SPAG16: variants seen among roughly 807,000 people sequenced by gnomAD.
SPAG16 encodes the protein sperm associated antigen 16, also known as sperm-associated antigen 16 protein.
A neutral mutation model predicts 80.4 loss-of-function variants in SPAG16; 86 were observed. The observed-to-expected ratio is 1.07, with a 90% CI of 0.90 to 1.28. SPAG16 has a LOEUF of 1.28. SPAG16 is among the 50% of genes most tolerant of loss of function. The pLI is 0.00. For synonymous variants in SPAG16, 294 were observed against 265.9 expected (o/e 1.11, Z -1.03); for missense variants, 870 against 765.3 (o/e 1.14, Z -1.61).
chr2:213,356,155 A>G (rs970443904), intron 7 of SPAG16, among the ~76,000 whole-genome samples: 4 of 152,136 alleles, frequency 2.6e-5, no homozygotes, highest in African/African-American at 9.7e-5. Context: ...GTTTGCCAGT[A>G]TTTTAATGAG....
chr2:213,955,771 A>G (rs1213225819), intron 12 of SPAG16, among the ~76,000 whole-genome samples: 1 of 152,090 alleles, frequency 6.6e-6, no homozygotes, highest in African/African-American at 2.4e-5. Context: ...TATCCAATAC[A>G]TTGGCATATA....
intron 11 of SPAG16, among the ~76,000 whole-genome samples, chr2:213,909,197 A>G (rs1300592403): frequency 2.6e-5 from 4 of 152,188 alleles, no homozygotes; most frequent in Non-Finnish European, 5.9e-5. Flanking sequence ...TTCAAGGACA[A>G]CTACAAACCA....
chr2:213,560,589 A>G (rs1341433856), intron 10 of SPAG16, among the ~76,000 whole-genome samples: 1 of 152,162 alleles, frequency 6.6e-6, no homozygotes, highest in Non-Finnish European at 1.5e-5. Flanking sequence ...TTTCTTACAT[A>G]TAGCTATTTT....
rs536172068 is a variant in SPAG16, at chr2:213,677,476, T to G, written c.1071-185009T>G. On this transcript the variant is annotated intron_variant, in intron 10 of 15. Transcript: ENST00000331683. Reference sequence around the variant, plus strand: ...AGGCAGGGGTTGCAATCCTAGTCTCTGATAAAACAGACTTTAAACCAACAA... The same window carrying G: ...AGGCAGGGGTTGCAATCCTAGTCTCGGATAAAACAGACTTTAAACCAACAA... 9.7e-4 allele frequency among the ~76,000 whole-genome samples: 148 copies of G among 151,994 alleles called. 1 individual carries two copies. The East Asian group carries it at 0.026, about 26-fold the overall frequency.
chr2:213,702,296 C>G (rs371160345), intron 10 of SPAG16, among the ~76,000 whole-genome samples: 1 of 152,184 alleles, frequency 6.6e-6, no homozygotes, highest in South Asian at 2.1e-4. Flanking sequence ...GCAGGCTGCC[C>G]GAGCCAGCTG....
chr2:213,339,817 G>A (rs759701073), intron 5 of SPAG16, among the ~76,000 whole-genome samples: 2 of 151,886 alleles, frequency 1.3e-5, no homozygotes, highest in Non-Finnish European at 2.9e-5. Context: ...GAATTGTCAT[G>A]TTTCATATAT....
intron 11 of SPAG16, among the ~76,000 whole-genome samples, chr2:213,922,566 G>A (rs2078273529): frequency 6.6e-6 from 1 of 152,122 alleles, no homozygotes; most frequent in South Asian, 2.1e-4. Context: ...CTCTTGCTGG[G>A]GAAATAGTAT....
At chr2:213,797,691 T>A (rs1185479358) in intron 10 of SPAG16, among the ~76,000 whole-genome samples, 1 of 152,252 alleles carries the variant, frequency 6.6e-6, no homozygotes, top group Non-Finnish European at 1.5e-5. Context: ...AATGAATGGC[T>A]GTGTACCACA....
At chr2:213,477,540 T>C (rs1356255654) in intron 9 of SPAG16, among the ~76,000 whole-genome samples, 1 of 152,148 alleles carries the variant, frequency 6.6e-6, no homozygotes, top group Admixed American at 6.5e-5. Flanking sequence ...ACAAAGGAGA[T>C]GATTTTGGAA....
chr2:213,535,094 T>G (rs1282691226), intron 10 of SPAG16, among the ~76,000 whole-genome samples: 1 of 152,122 alleles, frequency 6.6e-6, no homozygotes. Context: ...TTTATGTTAT[T>G]TTATTACCTG....
intron 9 of SPAG16, among the ~76,000 whole-genome samples, chr2:213,382,737 T>C (rs2067233957): frequency 6.6e-6 from 1 of 152,202 alleles, no homozygotes; most frequent in African/African-American, 2.4e-5. Context: ...CACAAGCATA[T>C]TGCTAAGACA....
In SPAG16 at chr2:213,930,084, T is replaced by G. The variant is rs765197414; in HGVS notation, c.1339T>G (p.Cys447Gly). 6.2e-7 allele frequency: 1 copy of G among 1,614,028 alleles called. No individual in the cohort carries two copies. The highest frequency in any genetic ancestry group is 8.5e-7 in the Non-Finnish European group (1 of 1,179,952). Residue 447 changes from cysteine to glycine, a missense_variant, in exon 12 of 16, where the codon TGC becomes GGC. Cys to Gly is a radical substitution (Grantham distance 159, BLOSUM62 -3). Coordinates refer to ENST00000331683, the MANE Select transcript of SPAG16 (RefSeq NM_024532.5). ...RAVWSCTWHSCGNFVASSSLD... is the reference protein window; with the variant it reads ...RAVWSCTWHSGGNFVASSSLD... ...AGTGTGGTCCTGCACATGGCACTCC[T>G]GCGGCAATTTTGTGGCTTCCTCCTC...
chr2:213,787,778 TACA>T (rs1240771210), intron 10 of SPAG16, among the ~76,000 whole-genome samples: 6 of 152,030 alleles, frequency 3.9e-5, no homozygotes. Context: ...TGGCAGTTGA[TACA>T]ACAATTTTTG....
At chr2:214,294,112 C>CA (rs1559189331) in intron 15 of SPAG16, among the ~76,000 whole-genome samples, 1 of 152,222 alleles carries the variant, frequency 6.6e-6, no homozygotes, top group Non-Finnish European at 1.5e-5. Context: ...TGCAGCTGCT[C>CA]AAGGCTGAGA....
chr2:214,158,187 A>G (rs1032215322), intron 15 of SPAG16, among the ~76,000 whole-genome samples: 2 of 152,098 alleles, frequency 1.3e-5, no homozygotes, highest in Non-Finnish European at 2.9e-5. Flanking sequence ...GTTTTAAACA[A>G]TTGCATTTTT....
chr2:213,739,446 A>G (rs1384526584), intron 10 of SPAG16, among the ~76,000 whole-genome samples: 2 of 152,212 alleles, frequency 1.3e-5, no homozygotes, highest in African/African-American at 2.4e-5. Flanking sequence ...TTCTTACCTT[A>G]CTTAGATAGA....
chr2:214,354,402 A>C (rs1486704242), intron 15 of SPAG16, among the ~76,000 whole-genome samples: 1 of 152,012 alleles, frequency 6.6e-6, no homozygotes, highest in South Asian at 2.1e-4. Flanking sequence ...GTTACTGTAG[A>C]GTTGTAGTAT....
chr2:213,829,822 G>A (rs553507147), intron 10 of SPAG16, among the ~76,000 whole-genome samples: 1 of 152,214 alleles, frequency 6.6e-6, no homozygotes, highest in South Asian at 2.1e-4. Flanking sequence ...TAGAATAAGG[G>A]CCTCATGACT....
rs189818219 is a variant in SPAG16 at position 214,009,075 on chromosome 2, A to G, written c.1401-4876A>G. Among the ~76,000 whole-genome samples, 106 of 152,288 alleles carry G rather than the reference A, an allele frequency of 7.0e-4. 1 individual carries two copies. Among genetic ancestry groups the G allele is most frequent in the African/African-American group, 2.5e-3 (103 of 41,574 alleles). On this transcript the variant is annotated intron_variant, in intron 12 of 15. Coordinates refer to ENST00000331683, the MANE Select transcript of SPAG16 (RefSeq NM_024532.5). ...TTTCTAGCAGTAGCTAATCTCTGGT[A>G]TCATTGTTCAGCAATCAACCATAGA...
Sources: gnomAD v4.1 joint callset for allele counts (sites outside exome capture counted in the v4.1 genomes callset) on GRCh38, gnomAD v4.1.1 for gene constraint, MANE v1.5 for transcripts, NCBI Gene and HGNC (gene_info 2026-07-23, HGNC 2026-07-21) for gene names.